SLC25A43: variants seen among roughly 807,000 people sequenced by gnomAD.
SLC25A43 encodes solute carrier family 25, member 43.
Under a neutral mutation model 22.8 loss-of-function variants are expected in SLC25A43, and 10 were observed. The ratio of observed to expected loss-of-function variants is 0.44; its 90% confidence interval spans 0.27 to 0.74. The LOEUF (loss-of-function observed/expected upper bound fraction) is 0.74, where lower values mean the gene tolerates loss of function less well. SLC25A43 is among the 30% of genes least tolerant of loss of function. The pLI, the probability that SLC25A43 is intolerant of heterozygous loss-of-function variation, is 0.17. For synonymous variants in SLC25A43, 106 were observed against 121.6 expected, an observed-to-expected ratio of 0.87 and a Z score of 0.84; for missense variants, 233 against 279.1, an observed-to-expected ratio of 0.83 and a Z score of 1.18.
chrX:119,402,533 T>G lies in SLC25A43; in HGVS notation c.275+2855T>G, dbSNP rs549209119. On this transcript the variant is annotated intron_variant, in intron 1 of 4. Transcript: ENST00000217909. ...ATTGTTCATAACCAACACTATTTCT[T>G]TATTGAATAAGCACTTCATGAGCTT... Among the ~76,000 whole-genome samples, 68 of 112,129 alleles carry G rather than the reference T, an allele frequency of 6.1e-4. 1 individual carries two copies. In the South Asian group the frequency reaches 0.023, roughly 37 times the overall value.
chrX:119,426,400 C>A, intron 3 of SLC25A43: 1 of 183,550 alleles, frequency 5.4e-6, no homozygotes, highest in Non-Finnish European at 8.6e-6. Flanking sequence ...AGACTAAATT[C>A]GTTTAGTGCA....
intron 3 of SLC25A43, 41 bp from the exon 4 acceptor site, chrX:119,451,968 A>G (rs780035112): frequency 8.3e-7 from 1 of 1,208,299 alleles, no homozygotes; most frequent in South Asian, 1.8e-5. Context: ...TTTATTTCCT[A>G]ATGTTTCAAT....
intron 1 of SLC25A43, among the ~76,000 whole-genome samples, chrX:119,400,267 A>G (rs762715932): frequency 9.1e-6 from 1 of 110,328 alleles, no homozygotes; most frequent in South Asian, 3.9e-4. Flanking sequence ...CCAAGCTGAG[A>G]ACGGCCCCCT....
At position 119,428,098 on chromosome X, in the gene SLC25A43, TGTTTTTAG is replaced by T. The variant is rs1211798496; in HGVS notation, c.690+17739_690+17746del. Among the ~76,000 whole-genome samples, 3 of 112,231 alleles carry T rather than the reference TGTTTTTAG, an allele frequency of 2.7e-5. No individual in the cohort carries two copies. The Admixed American group carries it at 2.8e-4, about 11-fold the overall frequency. ...CACATAAACTTGTACATTTATGTTC[TGTTTTTAG>T]GTCAGCAGCAGCACACTACATACAC... On this transcript the variant is annotated intron_variant, in intron 3 of 4. Coordinates refer to ENST00000217909, the MANE Select transcript of SLC25A43 (RefSeq NM_145305.3).
chrX:119,427,192 G>C (rs2052514111), intron 3 of SLC25A43, among the ~76,000 whole-genome samples: 1 of 111,370 alleles, frequency 9.0e-6, no homozygotes, highest in Admixed American at 9.6e-5. Flanking sequence ...CTGCTCACTT[G>C]CATGGCAATT....
intron 3 of SLC25A43, among the ~76,000 whole-genome samples, chrX:119,425,884 A>G (rs1292910274): frequency 1.8e-5 from 2 of 111,328 alleles, no homozygotes; most frequent in Non-Finnish European, 3.8e-5. Flanking sequence ...CTTAGTGTAA[A>G]ATCACTCTGT....
At chrX:119,421,126 A>C (rs1371259200) in intron 3 of SLC25A43, among the ~76,000 whole-genome samples, 1 of 105,651 alleles carries the variant, frequency 9.5e-6, no homozygotes, top group Non-Finnish European at 1.9e-5. Flanking sequence ...AAAAAAAAAA[A>C]AAAAAAAAAA....
At chrX:119,421,111 C>CAAAAAAA (rs55775067) in intron 3 of SLC25A43, among the ~76,000 whole-genome samples, 2 of 50,369 alleles carry the variant, frequency 4.0e-5, no homozygotes, top group Non-Finnish European at 7.3e-5. Context: ...AACTTCATCT[C>CAAAAAAA]AAAAAAAAAA....
intron 3 of SLC25A43, among the ~76,000 whole-genome samples, chrX:119,413,281 C>T (rs907598329): frequency 1.8e-5 from 2 of 111,533 alleles, no homozygotes; most frequent in Non-Finnish European, 3.8e-5. Context: ...TAGCCCAACA[C>T]CCATGGATTA....
intron 4 of SLC25A43, among the ~76,000 whole-genome samples, chrX:119,452,506 A>C (rs2052714703): frequency 9.0e-6 from 1 of 110,897 alleles, no homozygotes; most frequent in African/African-American, 3.3e-5. Flanking sequence ...AAAAAAAAAA[A>C]ACAAAAACAA....
At chrX:119,409,156 TTTTATTTA>T (rs3078516) in intron 2 of SLC25A43, among the ~76,000 whole-genome samples, 6,622 of 107,246 alleles carry the variant, frequency 0.062, 271 homozygotes, top group African/African-American at 0.12. Flanking sequence ...TCCATTTTTA[TTTTATTTA>T]TTTATTTATT....
At position 119,426,996 on chromosome X, in the gene SLC25A43, C is replaced by T. The variant is rs940018596; in HGVS notation, c.690+16634C>T. On this transcript the variant is annotated intron_variant, in intron 3 of 4. Transcript: ENST00000217909. ...TTGGTTTGGTTAGCGTAACAACAGG[C>T]TTTACAGACAGGCTCCATGTGCAAG... 8.1e-5 allele frequency among the ~76,000 whole-genome samples: 9 copies of T among 111,472 alleles called. No individual in the cohort carries two copies. In the East Asian group the frequency reaches 2.6e-3, roughly 32 times the overall value.
rs1376995104 is a variant in SLC25A43, at chrX:119,451,804, T to C, written c.691-205T>C. On this transcript the variant is annotated intron_variant, in intron 3 of 4. Transcript: ENST00000217909. ...CCAGGCAAAATAAACGACAAATATA[T>C]GGACAGGGTATCATGATTGTATTGC... The C allele has an allele frequency of 5.8e-6, 6 of 1,034,312 alleles. 1 individual carries two copies. Among genetic ancestry groups the C allele is most frequent in the Non-Finnish European group, 7.4e-6 (6 of 806,967 alleles). The allele number at this position is 1,034,312 out of a possible 1,213,427, so 85.2% of individuals were successfully genotyped here.
chrX:119,443,722 T>A (rs923884620), intron 3 of SLC25A43, among the ~76,000 whole-genome samples: 2 of 106,764 alleles, frequency 1.9e-5, no homozygotes, highest in African/African-American at 3.4e-5. Context: ...GAGAATTATT[T>A]TTTATTTATT....
intron 1 of SLC25A43, among the ~76,000 whole-genome samples, chrX:119,400,672 A>G (rs1323557439): frequency 8.9e-6 from 1 of 112,346 alleles, no homozygotes; most frequent in Non-Finnish European, 1.9e-5. Context: ...GGGAGGCCAG[A>G]GGTGGAAGGC....
chrX:119,410,355 A>G lies in SLC25A43; in HGVS notation c.683A>G (p.Lys228Arg). The G allele has an allele frequency of 1.7e-6, 2 of 1,211,373 alleles. No homozygotes were observed. ...TTTCCCTTTGAGACCGTGAAGAGAAAGATGCAGGTGAGGAGTTATCAGAGT... is the reference window on the plus strand; with the variant it reads ...TTTCCCTTTGAGACCGTGAAGAGAAGGATGCAGGTGAGGAGTTATCAGAGT... The part of the protein sequence containing the change: ...LSFPFETVKR[K>R]MQAQSPYLPH... Residue 228 changes from lysine (K) to arginine (R), a missense_variant, in exon 3 of 5, where the codon AAG becomes AGG. Transcript: ENST00000217909.
intron 3 of SLC25A43, among the ~76,000 whole-genome samples, chrX:119,441,331 C>T (rs1330107092): frequency 1.2e-5 from 1 of 83,763 alleles, no homozygotes; most frequent in Non-Finnish European, 2.3e-5. Flanking sequence ...CTTCGGCTCG[C>T]GCACGGTGCG....
At chrX:119,427,484 C>T (rs1318723603) in intron 3 of SLC25A43, among the ~76,000 whole-genome samples, 4 of 112,365 alleles carry the variant, frequency 3.6e-5, no homozygotes, top group Admixed American at 1.9e-4. Context: ...CCAATGTCCC[C>T]GCTGCAGAGC....
At chrX:119,433,893 G>A (rs958659485) in intron 3 of SLC25A43, among the ~76,000 whole-genome samples, 15 of 112,172 alleles carry the variant, frequency 1.3e-4, no homozygotes, top group African/African-American at 4.9e-4. Context: ...CACCTGGTAA[G>A]CCAGATTAAA....
Sources: gnomAD v4.1 joint callset for allele counts (sites outside exome capture counted in the v4.1 genomes callset) on GRCh38, gnomAD v4.1.1 for gene constraint, MANE v1.5 for transcripts, NCBI Gene and HGNC (gene_info 2026-07-23, HGNC 2026-07-21) for gene names.